RYR3: variants seen among roughly 807,000 people sequenced by gnomAD.
The protein encoded by RYR3 is brain ryanodine receptor-calcium release channel.
RYR3 carries 207 observed loss-of-function variants against 584.3 expected under a neutral mutation model. The ratio of observed to expected loss-of-function variants is 0.35; its 90% CI spans 0.32 to 0.40. The LOEUF is 0.40. Ranked by LOEUF, RYR3 falls within the 10% of genes least tolerant of loss-of-function variation. The pLI is 1.00. For synonymous variants in RYR3, 2,416 were observed against 2,248.5 expected (o/e 1.07, Z -2.11); for missense variants, 5,616 against 6,089.2 (o/e 0.92, Z 2.59).
chr15:33,555,170 C>G (rs569601699), intron 10 of RYR3, among the ~76,000 whole-genome samples: 1 of 152,278 alleles, frequency 6.6e-6, no homozygotes, highest in South Asian at 2.1e-4. Flanking sequence ...ATGTGACTTC[C>G]CTGCCTACGT....
At position 33,603,161 on chromosome 15, in the gene RYR3, C is replaced by T. The variant is rs1457282693; in HGVS notation, c.1961C>T (p.Ser654Leu). The change falls in exon 18 of 104, where the codon TCA becomes TTA. Residue 654 changes from serine to leucine, a missense_variant. Ser to Leu is a moderately radical substitution (Grantham distance 145). Coordinates refer to ENST00000634891, the MANE Select transcript of RYR3 (RefSeq NM_001036.6). ...ATCTTCCTGGGAGTCGCGGAGGGCTCAGCCCAGTACAAGAAGTGGTACTTC... is the reference window on the plus strand; with the variant it reads ...ATCTTCCTGGGAGTCGCGGAGGGCTTAGCCCAGTACAAGAAGTGGTACTTC... ...PNIFLGVAEGSAQYKKWYFEL... is the reference protein window; with the variant it reads ...PNIFLGVAEGLAQYKKWYFEL... The T allele has an allele frequency of 6.2e-7, 1 of 1,613,750 alleles. No individual in the cohort carries two copies. Among genetic ancestry groups the T allele is most frequent in the Non-Finnish European group, 8.5e-7 (1 of 1,179,834 alleles).
chr15:33,646,754 C>G (rs939907768), intron 29 of RYR3, among the ~76,000 whole-genome samples: 1 of 152,218 alleles, frequency 6.6e-6, no homozygotes, highest in African/African-American at 2.4e-5. Flanking sequence ...ACAGACACAT[C>G]TGGTGGAAAA....
Position 33,755,138 on chromosome 15 carries a change from C to G in RYR3, c.8473C>G (p.Leu2825Val). The G allele has an allele frequency of 6.2e-7, 1 of 1,612,756 alleles. No individual in the cohort carries two copies. The highest frequency in any genetic ancestry group is 1.3e-5 in the African/African-American group (1 of 75,022). The change falls in exon 58 of 104, where the codon CTG becomes GTG. Residue 2825 changes from leucine (L) to valine (V), a missense_variant. By Grantham distance (32) the Leu-to-Val change is conservative. This residue lies in a region of RYR3 where 1,280 missense variants were observed against 1,426.2 expected (regional missense o/e 0.90). Transcript: ENST00000634891. Reference sequence around the variant, plus strand: ...TGCCTATAAGTTCTTGAAGAAGATCCTGAAATACGTTGATTCTGCTCAAGA... The same window carrying G: ...TGCCTATAAGTTCTTGAAGAAGATCGTGAAATACGTTGATTCTGCTCAAGA... The part of the protein sequence containing the change: ...RFAYKFLKKI[L>V]KYVDSAQEFI...
intron 43 of RYR3, among the ~76,000 whole-genome samples, chr15:33,707,626 TA>T (rs1167346226): frequency 2.0e-5 from 3 of 152,202 alleles, no homozygotes; most frequent in Admixed American, 2.0e-4. Flanking sequence ...ATTATGTAAA[TA>T]AGTGGGGTAC....
intron 49 of RYR3, 31 bp from the exon 50 acceptor site, chr15:33,738,419 C>A: frequency 6.3e-7 from 1 of 1,592,958 alleles, no homozygotes; most frequent in East Asian, 2.3e-5. Flanking sequence ...CTATGCCACC[C>A]CGCTGGTCTG....
intron 1 of RYR3, among the ~76,000 whole-genome samples, chr15:33,473,125 C>T (rs929386803): frequency 6.6e-6 from 1 of 152,092 alleles, no homozygotes; most frequent in African/African-American, 2.4e-5. Flanking sequence ...TTGAAATCAT[C>T]AGCTCACCTA....
chr15:33,597,611 T>A (rs2164248), intron 16 of RYR3, among the ~76,000 whole-genome samples: 2 of 147,408 alleles, frequency 1.4e-5, no homozygotes, highest in Admixed American at 6.7e-5. Flanking sequence ...AGTGTGAGAC[T>A]CTGTCTCAAA....
chr15:33,348,441 T>C (rs544673554), intron 1 of RYR3, among the ~76,000 whole-genome samples: 28 of 152,336 alleles, frequency 1.8e-4, no homozygotes, highest in Admixed American at 1.6e-3. Flanking sequence ...CTTCATTCTT[T>C]CCTGAGGTCT....
Position 33,662,805 on chromosome 15 carries a change from A to C in RYR3, c.5275A>C (p.Ser1759Arg). The C allele has an allele frequency of 6.2e-7, 1 of 1,613,980 alleles. No individual in the cohort carries two copies. Among genetic ancestry groups the C allele is most frequent in the Non-Finnish European group, 8.5e-7 (1 of 1,179,888 alleles). Residue 1759 changes from serine (S) to arginine (R), a missense_variant, in exon 35 of 104, where the codon AGT becomes CGT. Coordinates refer to ENST00000634891, the MANE Select transcript of RYR3 (RefSeq NM_001036.6). ...TGATCCCTCTGTGTTTGGGGAGCAT[A>C]GTGCGGGGACAGAGGAGGGAGCAGA... is the stretch of plus-strand genomic sequence containing the variant. ...LIDPSVFGEH[S>R]AGTEEGAEKE...
intron 52 of RYR3, among the ~76,000 whole-genome samples, chr15:33,743,638 C>A (rs1402615556): frequency 6.6e-6 from 1 of 152,190 alleles, no homozygotes; most frequent in Non-Finnish European, 1.5e-5. Flanking sequence ...CAGGAGCCCA[C>A]AGCATTAGCC....
At chr15:33,517,732 G>A (rs1595404874) in intron 3 of RYR3, among the ~76,000 whole-genome samples, 1 of 152,062 alleles carries the variant, frequency 6.6e-6, no homozygotes, top group Non-Finnish European at 1.5e-5. Context: ...CTCTGGTTCT[G>A]TTTCAGAGAG....
At chr15:33,394,806 G>C (rs2042204819) in intron 1 of RYR3, among the ~76,000 whole-genome samples, 1 of 152,124 alleles carries the variant, frequency 6.6e-6, no homozygotes, top group South Asian at 2.1e-4. Context: ...CAACCAGTTA[G>C]GACAATCACA....
intron 1 of RYR3, among the ~76,000 whole-genome samples, chr15:33,369,791 T>C (rs1201076001): frequency 6.6e-6 from 1 of 152,236 alleles, no homozygotes; most frequent in Non-Finnish European, 1.5e-5. Flanking sequence ...AGTAAGTTGA[T>C]AGATGTGTGT....
At position 33,838,493 on chromosome 15, in the gene RYR3, C is replaced by T. The variant is rs770461745; in HGVS notation, c.12513C>T (p.Asn4171=). 36 of 1,613,968 alleles carry T rather than the reference C, an allele frequency of 2.2e-5. No homozygotes were observed. Among genetic ancestry groups the T allele is most frequent in the African/African-American group, 9.3e-5 (7 of 75,016 alleles). ...TLKNLRKQYR[N]VKKMTAKELV... is the part of the protein sequence containing the mutation. ...AGAACCTCAGGAAGCAGTACAGGAA[C>T]GTGAAAAAGATGACTGCGAAGGAGC... The change falls in exon 89 of 104, where the codon AAC becomes AAT. Residue 4171 remains asparagine, a synonymous_variant. Coordinates refer to ENST00000634891, the MANE Select transcript of RYR3 (RefSeq NM_001036.6).
chr15:33,494,716 A>G (rs1398116221), intron 2 of RYR3, among the ~76,000 whole-genome samples: 1 of 152,220 alleles, frequency 6.6e-6, no homozygotes, highest in Non-Finnish European at 1.5e-5. Context: ...TACTGTGTAC[A>G]TATAATTGCT....
intron 52 of RYR3, among the ~76,000 whole-genome samples, chr15:33,743,658 C>T (rs969017974): frequency 1.3e-5 from 2 of 152,210 alleles, no homozygotes; most frequent in Admixed American, 1.3e-4. Flanking sequence ...CAAGCCATCA[C>T]TCAACCATGT....
At chr15:33,571,795 T>C (rs979034652) in intron 12 of RYR3, among the ~76,000 whole-genome samples, 1 of 152,208 alleles carries the variant, frequency 6.6e-6, no homozygotes, top group African/African-American at 2.4e-5. Context: ...ATATCTAATG[T>C]AATTATTTAG....
At chr15:33,497,372 C>T (rs1208429579) in intron 2 of RYR3, among the ~76,000 whole-genome samples, 3 of 152,146 alleles carry the variant, frequency 2.0e-5, no homozygotes, top group African/African-American at 7.2e-5. Context: ...CAGTAGAAAC[C>T]TGCTCATCTC....
At chr15:33,322,274 TCTG>T (rs1969068607) in intron 1 of RYR3, among the ~76,000 whole-genome samples, 2 of 152,202 alleles carry the variant, frequency 1.3e-5, no homozygotes, top group Admixed American at 6.5e-5. Context: ...CTGCTCGGCT[TCTG>T]GGGAGGCCTC....
Sources: allele counts gnomAD v4.1 joint callset (sites outside exome capture counted in the v4.1 genomes callset), GRCh38; gene constraint gnomAD v4.1.1; regional missense constraint gnomAD v4.1.1; transcripts MANE v1.5; gene names NCBI Gene and HGNC (gene_info 2026-07-23, HGNC 2026-07-21).